LZTR1: variants seen among roughly 807,000 people sequenced by gnomAD.
LZTR1 encodes the protein leucine zipper like post translational regulator 1.
LZTR1 carries 260 observed loss-of-function variants against 105.7 expected under a neutral mutation model. The observed-to-expected ratio is 2.46, with a 90% CI of 2.22 to 2.72. The LOEUF (loss-of-function observed/expected upper bound fraction) is 2.72. LZTR1 is among the 30% of genes most tolerant of loss of function. The pLI is 0.00. For synonymous variants in LZTR1, 490 were observed against 476.4 expected, an observed-to-expected ratio of 1.03 and a Z score of -0.37; for missense variants, 1,214 against 1,166.9, an observed-to-expected ratio of 1.04 and a Z score of -0.59.
At chr22:20,989,904 C>T (rs1046230137) in intron 7 of LZTR1, among the ~76,000 whole-genome samples, 7 of 152,138 alleles carry the variant, frequency 4.6e-5, no homozygotes, top group African/African-American at 1.7e-4. Context: ...CGGGCCTTCA[C>T]GACCAGTTCC....
rs746904942 is a variant in LZTR1, at chr22:20,997,399, G to A, written c.*51G>A. ...AAGAATCGCCGTGCCTGCCTGCCCT[G>A]CCTACTGAGAAGACTACCGGCTATG... On this transcript the variant is annotated 3_prime_UTR_variant, in exon 21 of 21. Coordinates refer to ENST00000646124, the MANE Select transcript of LZTR1 (RefSeq NM_006767.4). 7.3e-7 allele frequency: 1 copy of A among 1,364,146 alleles called. No individual in the cohort carries two copies. The highest frequency in any genetic ancestry group is 2.3e-5 in the East Asian group (1 of 43,748). The allele number at this position is 1,364,146 out of a possible 1,614,324, so 84.5% of individuals were successfully genotyped here.
intron 1 of LZTR1, 146 bp downstream of exon 1, chr22:20,982,717 G>T: frequency 1.2e-6 from 1 of 807,854 alleles, no homozygotes; most frequent in Non-Finnish European, 2.0e-6. Flanking sequence ...GCTGTTCAGG[G>T]CAGGGGAGAG....
rs979427939 is a variant in LZTR1, at chr22:20,996,691, C to T, written c.2220-5C>T. On this transcript the variant is annotated splice_region_variant and splice_polypyrimidine_tract_variant and intron_variant, in intron 18 of 20. Coordinates refer to ENST00000646124, the MANE Select transcript of LZTR1 (RefSeq NM_006767.4). ...CCTTTAGTCAGCTCCTTAACCAGGCCCCAGCTACTTGTTTGCGGCCCCCTA... is the reference window on the plus strand; with the variant it reads ...CCTTTAGTCAGCTCCTTAACCAGGCTCCAGCTACTTGTTTGCGGCCCCCTA... 4.3e-6 allele frequency: 7 copies of T among 1,613,260 alleles called. No homozygotes were observed. The African/African-American group carries it at 6.7e-5, about 15-fold the overall frequency.
Position 20,994,700 on chromosome 22 carries a change from C to T in LZTR1, c.1758C>T (p.Ala586=), listed in dbSNP as rs764325793. 37 of 1,612,244 alleles carry T rather than the reference C, an allele frequency of 2.3e-5. No individual in the cohort carries two copies. The highest frequency in any genetic ancestry group is 1.6e-4 in the Middle Eastern group (1 of 6,082). Residue 586 remains alanine (A), a synonymous_variant, in exon 15 of 21, where the codon GCC becomes GCT. Transcript: ENST00000646124. The part of the protein sequence containing the change: ...LQNVLVVCES[A]ARLQLSQLKE... Reference sequence around the variant, plus strand: ...ACGTGCTGGTTGTGTGCGAGAGTGCCGCCCGGCTGCAGCTGAGCCAACTCA... The same window carrying T: ...ACGTGCTGGTTGTGTGCGAGAGTGCTGCCCGGCTGCAGCTGAGCCAACTCA...
At chr22:20,993,400 G>A in intron 11 of LZTR1, 2 of 567,724 alleles carry the variant, frequency 3.5e-6, no homozygotes, top group Non-Finnish European at 6.3e-6. Flanking sequence ...TGAGGCCTGG[G>A]GCCCAGCCGA....
chr22:20,994,838 TCTGC>T (rs752068101), intron 15 of LZTR1, 28 bp from the exon 16 acceptor site: 21 of 1,611,746 alleles, frequency 1.3e-5, no homozygotes, highest in South Asian at 2.2e-5. Flanking sequence ...CTGGCTTGAC[TCTGC>T]CTGCCTGCCT....
At chr22:20,983,315 T>C (rs544208784) in intron 2 of LZTR1, among the ~76,000 whole-genome samples, 1 of 152,254 alleles carries the variant, frequency 6.6e-6, no homozygotes, top group Non-Finnish European at 1.5e-5. Context: ...GGGTGGCACA[T>C]GCTCAGTATG....
Position 20,997,296 on chromosome 22 carries a change from T to G in LZTR1, c.2471T>G (p.Leu824Arg). The change falls in exon 21 of 21, where the codon CTG (leucine) becomes CGG (arginine). Residue 824 changes from leucine to arginine, a missense_variant. Transcript: ENST00000646124. ...CTGCTGCTGGACATCATAGACTCCCTGGCCTCCCACATCTCAGACAAGCAG... is the reference window on the plus strand; with the variant it reads ...CTGCTGCTGGACATCATAGACTCCCGGGCCTCCCACATCTCAGACAAGCAG... ...QQLLLDIIDS[L>R]ASHISDKQCA... 2 of 1,613,820 alleles carry G rather than the reference T, an allele frequency of 1.2e-6. No individual in the cohort carries two copies. Among genetic ancestry groups the G allele is most frequent in the Non-Finnish European group, 1.7e-6 (2 of 1,180,002 alleles).
chr22:20,989,581 G>T, intron 6 of LZTR1, 44 bp from the exon 7 acceptor site: 1 of 1,546,220 alleles, frequency 6.5e-7, no homozygotes, highest in South Asian at 1.1e-5. Context: ...GGCCCACCCT[G>T]ACCACCAGAC....
In LZTR1 at chr22:20,988,097, CG is replaced by C; in HGVS notation, c.490del (p.Glu164SerfsTer36). The C allele has an allele frequency of 1.2e-6, 2 of 1,610,800 alleles. No individual in the cohort carries two copies. The highest frequency in any genetic ancestry group is 1.7e-6 in the Non-Finnish European group (2 of 1,177,094). On this transcript the variant is annotated frameshift_variant, in exon 5 of 21. Transcript: ENST00000646124. LOFTEE classifies it high-confidence loss of function. ...FEYKFATGQW[T>X]EWKIEGRLPV... ...TACAAGTTTGCAACTGGCCAGTGGA[CG>C]GAGTGGAAAATTGAAGGACGGTGAG...
At position 20,993,937 on chromosome 22, in the gene LZTR1, T is replaced by G; in HGVS notation, c.1367T>G (p.Val456Gly). The change falls in exon 13 of 21, where the codon GTG becomes GGG. Residue 456 changes from valine (V) to glycine (G), a missense_variant. Val to Gly is a moderately radical substitution (Grantham distance 109). Coordinates refer to ENST00000646124, the MANE Select transcript of LZTR1 (RefSeq NM_006767.4). ...TTCTTTGTGCAGAAGGAGGAGTGCG[T>G]GCAGGGCCACGTAGCCATTGTCACA... ...EFVLGEKEECVQGHVAIVTAR... is the reference protein window; with the variant it reads ...EFVLGEKEECGQGHVAIVTAR... The G allele has an allele frequency of 6.2e-7, 1 of 1,612,356 alleles. No individual in the cohort carries two copies. Among genetic ancestry groups the G allele is most frequent in the Non-Finnish European group, 8.5e-7 (1 of 1,179,884 alleles).
intron 16 of LZTR1, 200 bp from the exon 17 acceptor site, chr22:20,995,546 G>T: frequency 1.4e-6 from 1 of 737,264 alleles, no homozygotes. Flanking sequence ...GGCTGTGCGT[G>T]GGGCATAGTG....
rs1924810599 is a variant in LZTR1, at chr22:20,995,735, C to T, written c.1943-11C>T. The T allele has an allele frequency of 6.2e-7, 1 of 1,613,418 alleles. No homozygotes were observed. Among genetic ancestry groups the T allele is most frequent in the Middle Eastern group, 1.7e-4 (1 of 6,056 alleles). Reference sequence around the variant, plus strand: ...CAGGCTGTACCTGCTCAGGGACCCTCCTACCCCCAGGCACATCTCTGATCC... The same window carrying T: ...CAGGCTGTACCTGCTCAGGGACCCTTCTACCCCCAGGCACATCTCTGATCC... On this transcript the variant is annotated splice_polypyrimidine_tract_variant and intron_variant, in intron 16 of 20. Coordinates refer to ENST00000646124, the MANE Select transcript of LZTR1 (RefSeq NM_006767.4).
chr22:20,986,480 A>AGAT (rs1924390624), intron 3 of LZTR1: 1 of 152,622 alleles, frequency 6.6e-6, no homozygotes, highest in African/African-American at 2.4e-5. Context: ...TAGGTAGATT[A>AGAT]GACAGATAGA....
In LZTR1 at chr22:20,997,427, C is replaced by A; in HGVS notation, c.*79C>A. 2 of 1,093,696 alleles carry A rather than the reference C, an allele frequency of 1.8e-6. No individual in the cohort carries two copies. The highest frequency in any genetic ancestry group is 2.8e-6 in the Non-Finnish European group (2 of 715,754). The allele number at this position is 1,093,696 out of a possible 1,614,324, so 67.7% of individuals were successfully genotyped here. On this transcript the variant is annotated 3_prime_UTR_variant, in exon 21 of 21. Transcript: ENST00000646124. ...TACTGAGAAGACTACCGGCTATGCG[C>A]ATGCCTATGGCAGTGGGTGCACCTG...
At chr22:20,988,565 GA>G (rs1452543871) in intron 5 of LZTR1, among the ~76,000 whole-genome samples, 2 of 152,242 alleles carry the variant, frequency 1.3e-5, no homozygotes, top group African/African-American at 2.4e-5. Context: ...GCACCTAGGA[GA>G]AGGTTCTGTG....
At chr22:20,990,676 T>G (rs192363289) in intron 8 of LZTR1, 151 bp downstream of exon 8, 1 of 808,062 alleles carries the variant, frequency 1.2e-6, no homozygotes, top group Non-Finnish European at 1.9e-6. Flanking sequence ...AGCAGGGATG[T>G]GCGGTGCCCC....
At position 20,988,266 on chromosome 22, in the gene LZTR1, C is replaced by T. The variant is rs1046345993; in HGVS notation, c.509+148C>T. On this transcript the variant is annotated intron_variant, in intron 5 of 20. Transcript: ENST00000646124. Reference sequence around the variant, plus strand: ...ATTGGTGGAATATCCCCCGGTGCAGCTATGCATGGCCTGCTCCCAGCCCTT... The same window carrying T: ...ATTGGTGGAATATCCCCCGGTGCAGTTATGCATGGCCTGCTCCCAGCCCTT... The T allele has an allele frequency of 3.5e-5, 22 of 621,090 alleles. No individual in the cohort carries two copies. In the Middle Eastern group the frequency reaches 1.5e-3, roughly 41 times the overall value. The allele number at this position is 621,090 out of a possible 1,614,324, so 38.5% of individuals were successfully genotyped here. A position where few individuals can be genotyped will look rare whatever the true frequency, so the allele number is the denominator to read the frequency against.
intron 2 of LZTR1, 39 bp from the exon 3 acceptor site, chr22:20,985,802 A>C (rs778772941): frequency 1.2e-6 from 2 of 1,605,226 alleles, no homozygotes; most frequent in African/African-American, 1.3e-5. Flanking sequence ...TGCAGAGTAG[A>C]CCTGGCTAAT....
Sources: gnomAD v4.1 joint callset for allele counts (sites outside exome capture counted in the v4.1 genomes callset) on GRCh38, gnomAD v4.1.1 for gene constraint, MANE v1.5 for transcripts, NCBI Gene and HGNC (gene_info 2026-07-23, HGNC 2026-07-21) for gene names.